Variants in GLRA1 observed in about 807,000 individuals in gnomAD.
The protein encoded by GLRA1 is glycine receptor alpha 1.
A neutral mutation model predicts 48.3 loss-of-function variants in GLRA1; 37 were observed. The observed-to-expected ratio is 0.77, with a 90% CI of 0.59 to 1.01. The LOEUF (loss-of-function observed/expected upper bound fraction) is 1.01, where lower values mean the gene tolerates loss of function less well. GLRA1 is among the 50% of genes least tolerant of loss of function. The pLI is 0.00. For missense variants in GLRA1, 427 were observed against 571.0 expected (o/e 0.75, Z 2.57); for synonymous variants, 196 against 210.7 (o/e 0.93, Z 0.60).
chr5:151,867,611 G>A (rs1052917602), intron 3 of GLRA1, among the ~76,000 whole-genome samples: 2 of 152,136 alleles, frequency 1.3e-5, no homozygotes, highest in African/African-American at 4.8e-5. Flanking sequence ...ATACATGTCA[G>A]CTTATTTTAT....
chr5:151,846,574 T>G (rs1350074856), intron 7 of GLRA1, among the ~76,000 whole-genome samples: 1 of 152,172 alleles, frequency 6.6e-6, no homozygotes, highest in Non-Finnish European at 1.5e-5. Flanking sequence ...TAAGGGTGAA[T>G]AGAGGAGAGT....
intron 1 of GLRA1, among the ~76,000 whole-genome samples, chr5:151,911,159 T>C (rs1255122546): frequency 6.6e-6 from 1 of 152,226 alleles, no homozygotes; most frequent in Admixed American, 6.5e-5. Flanking sequence ...TTGACTGTTC[T>C]GCAAGCCTTT....
chr5:151,873,528 C>T (rs544841534), intron 3 of GLRA1, among the ~76,000 whole-genome samples: 10 of 151,762 alleles, frequency 6.6e-5, no homozygotes, highest in Non-Finnish European at 1.2e-4. Flanking sequence ...GGTGTGGTGG[C>T]GCACACCTGT....
intron 1 of GLRA1, among the ~76,000 whole-genome samples, chr5:151,906,497 G>C (rs1754475870): frequency 6.6e-6 from 1 of 152,140 alleles, no homozygotes; most frequent in African/African-American, 2.4e-5. Context: ...AATTGGGCTG[G>C]TAAACAAACT....
Position 151,860,026 on chromosome 5 carries a change from C to T in GLRA1, c.253-18G>A. The T allele has an allele frequency of 6.3e-7, 1 of 1,593,608 alleles. No homozygotes were observed. The highest frequency in any genetic ancestry group is 1.1e-5 in the South Asian group (1 of 90,638). On this transcript the variant is annotated intron_variant, in intron 3 of 8. Transcript: ENST00000274576. ...CTATAGTCCTACAGCCAGGAAATAA[C>T]AAGGTGAAGGCAATGTTAGGCCCAA...
chr5:151,829,352 A>C (rs1427359346), intron 7 of GLRA1, among the ~76,000 whole-genome samples: 5 of 152,232 alleles, frequency 3.3e-5, no homozygotes, highest in Non-Finnish European at 5.9e-5. Context: ...GCTGTCTTTC[A>C]TTTAAGGGTG....
At chr5:151,872,593 T>C (rs2113380910) in intron 3 of GLRA1, among the ~76,000 whole-genome samples, 1 of 149,964 alleles carries the variant, frequency 6.7e-6, no homozygotes, top group East Asian at 1.9e-4. Flanking sequence ...AGAATGCTCA[T>C]TGTAGCCTTG....
chr5:151,877,869 A>T (rs1753665646), intron 3 of GLRA1, among the ~76,000 whole-genome samples: 1 of 152,242 alleles, frequency 6.6e-6, no homozygotes, highest in African/African-American at 2.4e-5. Context: ...AGTCTCAGGC[A>T]TATCTTTATC....
chr5:151,890,639 C>T (rs1323629453), intron 2 of GLRA1, among the ~76,000 whole-genome samples: 1 of 152,218 alleles, frequency 6.6e-6, no homozygotes, highest in African/African-American at 2.4e-5. Flanking sequence ...GCATTCCTGC[C>T]TAACAGCCAT....
At chr5:151,828,893 C>G (rs1424119996) in intron 8 of GLRA1, 28 bp downstream of exon 8, 2 of 1,605,806 alleles carry the variant, frequency 1.2e-6, no homozygotes, top group Non-Finnish European at 1.7e-6. Context: ...ACAGCTGTCC[C>G]TCCTTAGGCA....
chr5:151,860,540 A>G (rs749502670), intron 3 of GLRA1, among the ~76,000 whole-genome samples: 58 of 152,214 alleles, frequency 3.8e-4, no homozygotes, highest in Non-Finnish European at 6.8e-4. Flanking sequence ...TATTCTGCCT[A>G]AAGAGAACAA....
chr5:151,855,487 C>G (rs1753016172), intron 5 of GLRA1, among the ~76,000 whole-genome samples: 4 of 152,282 alleles, frequency 2.6e-5, no homozygotes, highest in Middle Eastern at 3.4e-3. Context: ...CCAGCCTCCT[C>G]TTTTGCTCAC....
At chr5:151,908,905 T>G (rs1754541984) in intron 1 of GLRA1, among the ~76,000 whole-genome samples, 1 of 152,168 alleles carries the variant, frequency 6.6e-6, no homozygotes, top group African/African-American at 2.4e-5. Flanking sequence ...GTTTGTCCAC[T>G]GTCTTTCTCC....
intron 2 of GLRA1, among the ~76,000 whole-genome samples, chr5:151,891,902 C>T (rs540381848): frequency 1.3e-5 from 2 of 152,108 alleles, no homozygotes; most frequent in South Asian, 4.2e-4. Flanking sequence ...TAAAAGCTGC[C>T]AAAGTTGCCA....
chr5:151,884,685 T>C (rs1753851873), intron 3 of GLRA1, among the ~76,000 whole-genome samples: 4 of 152,224 alleles, frequency 2.6e-5, no homozygotes, highest in Non-Finnish European at 5.9e-5. Flanking sequence ...ATTAAGTCTC[T>C]GTTTGGTCAT....
At chr5:151,850,541 C>A in intron 7 of GLRA1, 1 of 1,120,734 alleles carries the variant, frequency 8.9e-7, no homozygotes, top group Non-Finnish European at 1.4e-6. Flanking sequence ...CGCTTATGAT[C>A]CCAAGGGAGG....
intron 7 of GLRA1, among the ~76,000 whole-genome samples, chr5:151,837,814 G>A (rs1581604202): frequency 1.3e-5 from 2 of 152,168 alleles, no homozygotes; most frequent in African/African-American, 4.8e-5. Context: ...CTATTGGGTG[G>A]TAGGGGGCTA....
In GLRA1 at chr5:151,822,978, A is replaced by G. The variant is rs748445044; in HGVS notation, c.1060-15T>C. The G allele has an allele frequency of 9.5e-6, 15 of 1,584,780 alleles. No homozygotes were observed. Among genetic ancestry groups the G allele is most frequent in the Non-Finnish European group, 1.2e-5 (14 of 1,164,716 alleles). On this transcript the variant is annotated splice_polypyrimidine_tract_variant and intron_variant, in intron 8 of 8. Transcript: ENST00000274576. ...GCTTCATCCTCCTGGAATAGATTCA[A>G]CATGGGGCTCTACTTAAAATAAGAC...
At chr5:151,878,019 G>A (rs560008264) in intron 3 of GLRA1, among the ~76,000 whole-genome samples, 6 of 152,350 alleles carry the variant, frequency 3.9e-5, no homozygotes, top group African/African-American at 1.2e-4. Flanking sequence ...AACAGGCAGA[G>A]GTTGGGACGG....
Sources: gnomAD v4.1 joint callset for allele counts (sites outside exome capture counted in the v4.1 genomes callset) on GRCh38, gnomAD v4.1.1 for gene constraint, MANE v1.5 for transcripts, NCBI Gene and HGNC (gene_info 2026-07-23, HGNC 2026-07-21) for gene names.